Variants in SETD5 observed in about 807,000 individuals in gnomAD.
SETD5 encodes the protein SET domain containing 5, also known as histone-lysine N-methyltransferase SETD5.
A neutral mutation model predicts 153.3 loss-of-function variants in SETD5; 44 were observed. The ratio of observed to expected loss-of-function variants is 0.29; its 90% CI spans 0.23 to 0.37. SETD5 has a LOEUF of 0.37. SETD5 is among the 10% of genes least tolerant of loss of function. SETD5 has a pLI of 1.00. For synonymous variants in SETD5, 716 were observed against 645.2 expected, an observed-to-expected ratio of 1.11 and a Z score of -1.66; for missense variants, 1,544 against 1,768.0, an observed-to-expected ratio of 0.87 and a Z score of 2.27.
chr3:9,440,783 C>A, intron 8 of SETD5, 85 bp downstream of exon 8: 1 of 1,464,162 alleles, frequency 6.8e-7, no homozygotes. Context: ...ATTACTGTTC[C>A]TTCCAAATGT....
intron 3 of SETD5, 146 bp from the exon 4 acceptor site, chr3:9,433,699 T>G (rs915979520): frequency 1.1e-6 from 1 of 926,340 alleles, no homozygotes; most frequent in African/African-American, 1.7e-5. Flanking sequence ...TTAGTTATGT[T>G]AATAAGATTG....
Position 9,476,004 on chromosome 3 carries a change from C to A in SETD5, c.4242C>A (p.Tyr1414Ter). The A allele has an allele frequency of 1.9e-6, 3 of 1,613,910 alleles. No homozygotes were observed. The highest frequency in any genetic ancestry group is 2.2e-5 in the East Asian group (1 of 44,880). Residue 1414 changes from tyrosine to a stop codon, truncating the protein, a stop_gained, in exon 23 of 23, where the codon TAC becomes TAA. Coordinates refer to ENST00000402198, the MANE Select transcript of SETD5 (RefSeq NM_001080517.3). LOFTEE classifies it high-confidence loss of function. The part of the protein sequence containing the change: ...RVSAVSNSQH[Y>*]PHRGSGGVHQ... Reference sequence around the variant, plus strand: ...CTGCGGTTTCCAATTCACAGCACTACCCACACCGTGGGAGTGGGGGTGTGC... The same window carrying A: ...CTGCGGTTTCCAATTCACAGCACTAACCACACCGTGGGAGTGGGGGTGTGC...
At chr3:9,433,617 A>C (rs1199257232) in intron 3 of SETD5, 1 of 1,096,528 alleles carries the variant, frequency 9.1e-7, no homozygotes, top group Non-Finnish European at 1.2e-6. Flanking sequence ...CTGCCTTCAG[A>C]CATCTGCCTG....
chr3:9,429,035 G>A (rs1437710014), intron 3 of SETD5, 26 bp downstream of exon 3: 4 of 1,560,232 alleles, frequency 2.6e-6, no homozygotes, highest in East Asian at 2.2e-5. Flanking sequence ...TAGGTAGTAG[G>A]TACATTATCA....
chr3:9,434,569 T>G lies in SETD5; in HGVS notation c.329+84T>G. 1 of 1,576,052 alleles carries G rather than the reference T, an allele frequency of 6.3e-7. No homozygotes were observed. Among genetic ancestry groups the G allele is most frequent in the Non-Finnish European group, 8.6e-7 (1 of 1,160,708 alleles). ...AGTAGGGAAAAGCTCAAAGTATTCT[T>G]TCTTGTGTTTGTTAATGTAGATGAT... is the stretch of plus-strand genomic sequence containing the variant. On this transcript the variant is annotated intron_variant, in intron 5 of 22. Transcript: ENST00000402198. This position sits in a 1 kb window ranked among gnomAD's most constrained non-coding sequence, Gnocchi z 5.6.
rs761346453 is a variant in SETD5 at position 9,475,832 on chromosome 3, C to T, written c.4070C>T (p.Thr1357Ile). 12 of 1,613,916 alleles carry T rather than the reference C, an allele frequency of 7.4e-6. No individual in the cohort carries two copies. Among genetic ancestry groups the T allele is most frequent in the Non-Finnish European group, 1.0e-5 (12 of 1,179,902 alleles). The stretch of plus-strand genomic sequence containing the variant: ...CTGCAGGGACCCTCAGACTCGCCAA[C>T]CTCAGATTCAGTTTCTCAGTCCAGC... ...PTLQGPSDSP[T>I]SDSVSQSSTG... The change falls in exon 23 of 23, where the codon ACC becomes ATC. Residue 1357 changes from threonine to isoleucine, a missense_variant. Physicochemically the swap from Thr to Ile is moderately conservative, Grantham distance 89. This residue lies in a region of SETD5 where 302 missense variants were observed against 277.6 expected (regional missense o/e 1.09). Coordinates refer to ENST00000402198, the MANE Select transcript of SETD5 (RefSeq NM_001080517.3).
chr3:9,439,829 G>A (rs1467207820), intron 7 of SETD5, among the ~76,000 whole-genome samples: 2 of 152,144 alleles, frequency 1.3e-5, no homozygotes, highest in African/African-American at 4.8e-5. Context: ...AATTTAAATT[G>A]TTGAAAATAG....
At chr3:9,460,988 A>T (rs1439472519) in intron 17 of SETD5, among the ~76,000 whole-genome samples, 1 of 152,220 alleles carries the variant, frequency 6.6e-6, no homozygotes, top group East Asian at 1.9e-4. Flanking sequence ...GAAACAAAAC[A>T]TATAGCAGAG....
chr3:9,418,107 A>G (rs2037807499), intron 1 of SETD5, among the ~76,000 whole-genome samples: 1 of 142,036 alleles, frequency 7.0e-6, no homozygotes, highest in Non-Finnish European at 1.6e-5. Context: ...CTCCCGGCTA[A>G]TTTTTTTTTT....
intron 1 of SETD5, among the ~76,000 whole-genome samples, chr3:9,420,621 C>G (rs1575277389): frequency 6.6e-6 from 1 of 152,072 alleles, no homozygotes; most frequent in Admixed American, 6.5e-5. Context: ...AGTGCTTACC[C>G]CAATCAGTGT....
intron 3 of SETD5, chr3:9,431,075 G>T: frequency 1.0e-6 from 1 of 985,328 alleles, no homozygotes; most frequent in Non-Finnish European, 1.2e-6. Flanking sequence ...ATTAAACCTG[G>T]TATTAAGTGC....
chr3:9,476,002 T>A lies in SETD5; in HGVS notation c.4240T>A (p.Tyr1414Asn). The A allele has an allele frequency of 6.2e-7, 1 of 1,613,958 alleles. No individual in the cohort carries two copies. Among genetic ancestry groups the A allele is most frequent in the Non-Finnish European group, 8.5e-7 (1 of 1,179,872 alleles). The change falls in exon 23 of 23, where the codon TAC (tyrosine) becomes AAC (asparagine). Residue 1414 changes from tyrosine (Y) to asparagine (N), a missense_variant. Coordinates refer to ENST00000402198, the MANE Select transcript of SETD5 (RefSeq NM_001080517.3). ...RVSAVSNSQHYPHRGSGGVHQ... is the reference protein window; with the variant it reads ...RVSAVSNSQHNPHRGSGGVHQ... ...ATCTGCGGTTTCCAATTCACAGCACTACCCACACCGTGGGAGTGGGGGTGT... is the reference window on the plus strand; with the variant it reads ...ATCTGCGGTTTCCAATTCACAGCACAACCCACACCGTGGGAGTGGGGGTGT...
At chr3:9,445,988 T>C (rs866619022) in intron 13 of SETD5, among the ~76,000 whole-genome samples, 1 of 145,620 alleles carries the variant, frequency 6.9e-6, no homozygotes, top group Non-Finnish European at 1.5e-5. Flanking sequence ...TTTTTTTTTT[T>C]ACTAACAATC....
intron 20 of SETD5, 51 bp from the exon 21 acceptor site, chr3:9,474,398 T>G: frequency 2.5e-6 from 4 of 1,596,504 alleles, no homozygotes; most frequent in Non-Finnish European, 3.4e-6. Flanking sequence ...AGGGCTTCAT[T>G]TGTTTTGGTT....
intron 3 of SETD5, chr3:9,431,576 C>T (rs2039970600): frequency 2.0e-6 from 2 of 985,550 alleles, no homozygotes; most frequent in Non-Finnish European, 2.4e-6. Flanking sequence ...GTTTCTTCAT[C>T]AGAAGATATG....
intron 1 of SETD5, among the ~76,000 whole-genome samples, chr3:9,423,833 A>G (rs965900648): frequency 1.3e-5 from 2 of 152,250 alleles, no homozygotes; most frequent in Non-Finnish European, 2.9e-5. Context: ...AAAAAACACC[A>G]GAGACTTAAA....
At chr3:9,474,883 G>T (rs2045696246) in intron 21 of SETD5, 185 bp from the exon 22 acceptor site, 2 of 627,582 alleles carry the variant, frequency 3.2e-6, no homozygotes, top group Non-Finnish European at 5.5e-6. Context: ...ATCACATCAG[G>T]CATTTAGAAC....
intron 18 of SETD5, 76 bp downstream of exon 18, chr3:9,464,748 C>G (rs762203602): frequency 1.3e-6 from 2 of 1,599,628 alleles, no homozygotes; most frequent in South Asian, 2.2e-5. Context: ...AATATAATAC[C>G]ATTCCAAATG....
chr3:9,398,154 A>C (rs1427468391), intron 1 of SETD5, 177 bp downstream of exon 1: 1 of 148,932 alleles, frequency 6.7e-6, no homozygotes, highest in Non-Finnish European at 1.5e-5. Context: ...ACACCGTTGC[A>C]ACACCCCATT....
Sources: allele counts gnomAD v4.1 joint callset (sites outside exome capture counted in the v4.1 genomes callset), GRCh38; gene constraint gnomAD v4.1.1; regional missense constraint gnomAD v4.1.1; non-coding constraint Gnocchi (gnomAD v3.1); transcripts MANE v1.5; gene names NCBI Gene and HGNC (gene_info 2026-07-23, HGNC 2026-07-21).